NEDD9: variants seen among roughly 807,000 people sequenced by gnomAD.
NEDD9 encodes the protein enhancer of filamentation 1.
Under a neutral mutation model 76.6 loss-of-function variants are expected in NEDD9, and 26 were observed. That is an observed-to-expected ratio of 0.34 (90% CI 0.25 to 0.47). The LOEUF (loss-of-function observed/expected upper bound fraction) is 0.47, where lower values mean the gene tolerates loss of function less well. NEDD9 is among the 20% of genes least tolerant of loss of function. NEDD9 has a pLI of 1.00. For missense variants in NEDD9, 937 were observed against 1,058.5 expected (o/e 0.89, Z 1.59); for synonymous variants, 392 against 414.2 (o/e 0.95, Z 0.65).
intron 3 of NEDD9, among the ~76,000 whole-genome samples, chr6:11,291,574 A>T (rs1275415075): frequency 1.3e-5 from 2 of 152,174 alleles, no homozygotes; most frequent in South Asian, 4.1e-4. Flanking sequence ...GCGCCCGGCC[A>T]GAATGAGATT....
chr6:11,323,291 A>T (rs1761851817), intron 2 of NEDD9, among the ~76,000 whole-genome samples: 1 of 152,270 alleles, frequency 6.6e-6, no homozygotes, highest in Admixed American at 6.5e-5. Flanking sequence ...GGCCTTACTA[A>T]CTTGCCCAGG....
At chr6:11,243,705 C>G (rs145735941) in intron 3 of NEDD9, among the ~76,000 whole-genome samples, 18 of 152,272 alleles carry the variant, frequency 1.2e-4, no homozygotes, top group African/African-American at 3.9e-4. Flanking sequence ...TTTTCAGGAG[C>G]CTTTCTTCAA....
chr6:11,263,217 C>CT (rs1217809174), intron 3 of NEDD9, among the ~76,000 whole-genome samples: 1 of 152,218 alleles, frequency 6.6e-6, no homozygotes, highest in South Asian at 2.1e-4. Context: ...GATTTTGTAG[C>CT]TTTTTTGTGT....
chr6:11,237,393 T>C (rs1759626818), upstream of NEDD9, among the ~76,000 whole-genome samples: 1 of 152,196 alleles, frequency 6.6e-6, no homozygotes, highest in South Asian at 2.1e-4. This position sits in a 1 kb window ranked among gnomAD's most constrained non-coding sequence, Gnocchi z 4.9. Context: ...GAGGTTCTGT[T>C]TGGTGCCCAG....
intron 1 of NEDD9, among the ~76,000 whole-genome samples, chr6:11,339,577 A>T (rs1360116076): frequency 6.6e-6 from 1 of 152,184 alleles, no homozygotes; most frequent in African/African-American, 2.4e-5. Flanking sequence ...ACCAGATCAT[A>T]TTTCACCAAG....
intron 3 of NEDD9, among the ~76,000 whole-genome samples, chr6:11,297,163 CT>C (rs1760920132): frequency 1.2e-5 from 1 of 81,212 alleles, no homozygotes; most frequent in Non-Finnish European, 2.6e-5. Flanking sequence ...TCATTTTTTT[CT>C]GAGCCAGCCC....
At chr6:11,346,116 C>T (rs1561842621) in intron 1 of NEDD9, among the ~76,000 whole-genome samples, 2 of 152,202 alleles carry the variant, frequency 1.3e-5, no homozygotes, top group East Asian at 1.9e-4. Context: ...TGTGTCTCCA[C>T]CATTAGCATA....
At chr6:11,350,103 T>C (rs1004876906) in intron 1 of NEDD9, among the ~76,000 whole-genome samples, 5 of 152,166 alleles carry the variant, frequency 3.3e-5, no homozygotes, top group African/African-American at 1.2e-4. Context: ...ATAAACTAAT[T>C]GACAATTGGC....
upstream of NEDD9, among the ~76,000 whole-genome samples, chr6:11,237,155 T>C (rs1759620349): frequency 1.3e-5 from 2 of 152,212 alleles, no homozygotes; most frequent in Non-Finnish European, 2.9e-5. The surrounding 1 kb of genome is among the most constrained non-coding windows in gnomAD (Gnocchi z 4.9). Flanking sequence ...CCCTTCACTA[T>C]GCCCCCATTG....
intron 3 of NEDD9, among the ~76,000 whole-genome samples, chr6:11,291,265 AG>A (rs1760758969): frequency 1.7e-5 from 2 of 116,070 alleles, no homozygotes; most frequent in Admixed American, 8.4e-5. Context: ...AAATAGAATG[AG>A]GTTTTTTTTT....
chr6:11,244,519 A>G (rs1468817057), intron 3 of NEDD9, among the ~76,000 whole-genome samples: 16 of 152,192 alleles, frequency 1.1e-4, no homozygotes, highest in Admixed American at 1.0e-3. Flanking sequence ...AATATTTAAG[A>G]CATAAATCGC....
At chr6:11,341,417 C>T (rs746065634) in intron 1 of NEDD9, among the ~76,000 whole-genome samples, 3 of 152,168 alleles carry the variant, frequency 2.0e-5, no homozygotes, top group Non-Finnish European at 4.4e-5. Context: ...CCTAGAAGTC[C>T]TTGCATGCGT....
At position 11,273,814 on chromosome 6, in the gene NEDD9, T is replaced by G. The variant is rs182034962; in HGVS notation, c.12+32178A>C. On this transcript the variant is annotated intron_variant, in intron 3 of 3. Coordinates refer to the NEDD9 transcript ENST00000397378. ...TTCACCCGACAGCAAGTGATTCAGATGTCAAGATTAAGGAAAACGACTATG... is the reference window on the plus strand; with the variant it reads ...TTCACCCGACAGCAAGTGATTCAGAGGTCAAGATTAAGGAAAACGACTATG... Among the ~76,000 whole-genome samples, 438 of 152,338 alleles carry G rather than the reference T, an allele frequency of 2.9e-3. 2 individuals are homozygous for G. Among genetic ancestry groups the G allele is most frequent in the Admixed American group, 4.6e-3 (70 of 15,310 alleles).
intron 2 of NEDD9, among the ~76,000 whole-genome samples, chr6:11,208,467 CGT>C (rs2113750984): frequency 6.6e-6 from 1 of 152,274 alleles, no homozygotes; most frequent in Admixed American, 6.5e-5. Context: ...CGAGCAGCAG[CGT>C]GTGAGGGTGG....
intron 1 of NEDD9, among the ~76,000 whole-genome samples, chr6:11,344,936 A>T (rs773736540): frequency 7.9e-5 from 12 of 152,220 alleles, no homozygotes; most frequent in Admixed American, 4.6e-4. Context: ...TCTCATTTCA[A>T]GCCCTTCTGC....
chr6:11,227,750 T>A (rs1274060099), intron 1 of NEDD9, among the ~76,000 whole-genome samples: 1 of 152,110 alleles, frequency 6.6e-6, no homozygotes, highest in Non-Finnish European at 1.5e-5. Context: ...ATCCTTTAGA[T>A]AACGATTTGA....
rs186396028 is a variant in NEDD9 at position 11,308,013 on chromosome 6, G to A, written c.-152-1858C>T. Among the ~76,000 whole-genome samples the A allele has an allele frequency of 7.0e-4, 107 of 152,276 alleles. No individual in the cohort carries two copies. The Middle Eastern group carries it at 0.01, about 15-fold the overall frequency. ...TTCTAGACCCCGTGCCAAGGACCAGGACATTGGGACTTCCTGTTCAGACGA... is the reference window on the plus strand; with the variant it reads ...TTCTAGACCCCGTGCCAAGGACCAGAACATTGGGACTTCCTGTTCAGACGA... On this transcript the variant is annotated intron_variant, in intron 2 of 3. Coordinates refer to the NEDD9 transcript ENST00000397378.
chr6:11,284,391 T>TAAAA (rs1168452567), intron 3 of NEDD9, among the ~76,000 whole-genome samples: 2 of 70,206 alleles, frequency 2.8e-5, no homozygotes, highest in African/African-American at 5.1e-5. Context: ...CCGTCTCTAC[T>TAAAA]AAAAAAAAAA....
At chr6:11,338,340 T>G (rs1324374089) in intron 1 of NEDD9, among the ~76,000 whole-genome samples, 1 of 152,184 alleles carries the variant, frequency 6.6e-6, no homozygotes, top group Admixed American at 6.5e-5. Context: ...GGTTCTCCCT[T>G]GCAGCCCTCG....
Sources: allele counts gnomAD v4.1 joint callset (sites outside exome capture counted in the v4.1 genomes callset), GRCh38; gene constraint gnomAD v4.1.1; non-coding constraint Gnocchi (gnomAD v3.1); transcripts MANE v1.5; gene names NCBI Gene and HGNC (gene_info 2026-07-23, HGNC 2026-07-21).